The following RNF20 variants were observed in gnomAD, a reference collection of about 807,000 sequenced individuals.
RNF20 encodes the protein ring finger protein 20.
Under a neutral mutation model 126.2 loss-of-function variants are expected in RNF20, and 84 were observed. The ratio of observed to expected loss-of-function variants is 0.67; its 90% confidence interval spans 0.56 to 0.80. RNF20 has a LOEUF of 0.80. Among genes scored for constraint, RNF20 ranks in the 30% least tolerant of loss-of-function variants. RNF20 has a pLI of 0.00. For missense variants in RNF20, 869 were observed against 1,188.2 expected (o/e 0.73, Z 3.95); for synonymous variants, 400 against 414.3 (o/e 0.97, Z 0.42).
At chr9:101,561,887 A>T (rs1827633427) in intron 18 of RNF20, 23 bp from the exon 19 acceptor site, 1 of 1,499,916 alleles carries the variant, frequency 6.7e-7, no homozygotes, top group Non-Finnish European at 9.3e-7. Flanking sequence ...AGTGTGTCTA[A>T]TGGGTATGCT....
chr9:101,543,552 C>A (rs924740116), intron 5 of RNF20, among the ~76,000 whole-genome samples: 2 of 148,550 alleles, frequency 1.3e-5, no homozygotes, highest in Non-Finnish European at 3.0e-5. Flanking sequence ...AACTGTCTAA[C>A]CTGCCAGGGC....
chr9:101,555,195 A>G (rs1328889382), intron 15 of RNF20, among the ~76,000 whole-genome samples: 1 of 151,972 alleles, frequency 6.6e-6, no homozygotes, highest in East Asian at 1.9e-4. Context: ...AAGATTTTAT[A>G]TACATTATGA....
At chr9:101,554,149 A>C (rs776887846) in intron 14 of RNF20, 44 bp downstream of exon 14, 46 of 1,100,702 alleles carry the variant, frequency 4.2e-5, no homozygotes, top group Non-Finnish European at 5.9e-5. Context: ...TAAAATCTTC[A>C]TTTGTGGGAT....
At chr9:101,548,575 C>A (rs1827390347) in intron 9 of RNF20, among the ~76,000 whole-genome samples, 1 of 152,044 alleles carries the variant, frequency 6.6e-6, no homozygotes, top group African/African-American at 2.4e-5. Flanking sequence ...CATTGTATAC[C>A]TTAAATATGT....
intron 2 of RNF20, among the ~76,000 whole-genome samples, chr9:101,539,929 T>C (rs1240062356): frequency 6.6e-6 from 1 of 152,026 alleles, no homozygotes. Flanking sequence ...GATGGTGGCC[T>C]TAAAGCAGCA....
chr9:101,546,709 A>G (rs964140630), intron 6 of RNF20, 111 bp from the exon 7 acceptor site: 3 of 1,034,732 alleles, frequency 2.9e-6, no homozygotes, highest in Non-Finnish European at 4.3e-6. Context: ...GAAGAGGGTG[A>G]AGCATCTTCT....
chr9:101,553,135 CTG>C (rs1237117152), intron 13 of RNF20, among the ~76,000 whole-genome samples: 1 of 152,170 alleles, frequency 6.6e-6, no homozygotes, highest in Non-Finnish European at 1.5e-5. Context: ...TTATATATCA[CTG>C]TAACTTGAAC....
chr9:101,539,156 G>A (rs1827224349), intron 2 of RNF20, among the ~76,000 whole-genome samples: 1 of 152,212 alleles, frequency 6.6e-6, no homozygotes, highest in South Asian at 2.1e-4. Context: ...AGGGGGCAGG[G>A]TTTGGTAGAG....
chr9:101,552,848 C>T (rs755649484), intron 13 of RNF20, 95 bp downstream of exon 13: 4 of 1,217,014 alleles, frequency 3.3e-6, no homozygotes, highest in East Asian at 2.5e-5. Flanking sequence ...CTTGTCTGAT[C>T]GTTTTAATGT....
intron 16 of RNF20, among the ~76,000 whole-genome samples, chr9:101,559,601 G>A (rs181190740): frequency 8.5e-5 from 13 of 152,172 alleles, no homozygotes; most frequent in East Asian, 1.9e-4. Flanking sequence ...TTTTCTTGTC[G>A]AGGTCTTTCA....
At chr9:101,548,519 G>A (rs984184834) in intron 9 of RNF20, among the ~76,000 whole-genome samples, 4 of 152,066 alleles carry the variant, frequency 2.6e-5, no homozygotes, top group Admixed American at 2.6e-4. Flanking sequence ...TTAATTAGGT[G>A]GATTGTGGTA....
chr9:101,561,477 G>A (rs1827627662), intron 18 of RNF20: 3 of 475,972 alleles, frequency 6.3e-6, no homozygotes, highest in Non-Finnish European at 1.1e-5. Flanking sequence ...TGTTAAAGAA[G>A]TAACAGCATA....
At chr9:101,552,802 A>T in intron 13 of RNF20, 49 bp downstream of exon 13, 2 of 1,517,916 alleles carry the variant, frequency 1.3e-6, no homozygotes, top group Non-Finnish European at 1.8e-6. Context: ...GCTAAGATTA[A>T]GACATCATGC....
At chr9:101,537,930 G>GA in intron 2 of RNF20, among the ~76,000 whole-genome samples, 1 of 152,210 alleles carries the variant, frequency 6.6e-6, no homozygotes, top group African/African-American at 2.4e-5. Flanking sequence ...GAGGAATTAG[G>GA]AAAAAGAGAG....
intron 5 of RNF20, among the ~76,000 whole-genome samples, chr9:101,543,188 A>C (rs1223406110): frequency 2.6e-5 from 4 of 152,220 alleles, no homozygotes; most frequent in African/African-American, 9.6e-5. Flanking sequence ...AGAGTAAGGT[A>C]AGGCCTTCTA....
At chr9:101,543,445 G>A (rs115287302) in intron 5 of RNF20, among the ~76,000 whole-genome samples, 2,986 of 137,204 alleles carry the variant, frequency 0.022, 93 homozygotes, top group African/African-American at 0.07. Flanking sequence ...CTGCCAGGGC[G>A]GCACTGTCTA....
At chr9:101,556,562 A>T (rs1172550711) in intron 15 of RNF20, among the ~76,000 whole-genome samples, 1 of 152,174 alleles carries the variant, frequency 6.6e-6, no homozygotes, top group Non-Finnish European at 1.5e-5. Context: ...ATGATATTTT[A>T]AAAAATGCAT....
Position 101,562,468 on chromosome 9 carries a change from C to G in RNF20, c.*46C>G. 6.5e-7 allele frequency: 1 copy of G among 1,542,906 alleles called. No individual in the cohort carries two copies. Among genetic ancestry groups the G allele is most frequent in the Non-Finnish European group, 8.8e-7 (1 of 1,139,022 alleles). ...GGAGCTGGCTAGTCAGGAACTTATT[C>G]ATTAACCACCAAACCTCTACCTCTT... is the stretch of plus-strand genomic sequence containing the variant. On this transcript the variant is annotated 3_prime_UTR_variant, in exon 20 of 20. Transcript: ENST00000389120.
chr9:101,534,904 ACTTT>A (rs1243013170), intron 1 of RNF20, among the ~76,000 whole-genome samples: 2 of 147,260 alleles, frequency 1.4e-5, no homozygotes, highest in Non-Finnish European at 3.0e-5. Flanking sequence ...TTTAGCCTTG[ACTTT>A]CTTTTTTTTT....
Sources: allele counts gnomAD v4.1 joint callset (sites outside exome capture counted in the v4.1 genomes callset), GRCh38; gene constraint gnomAD v4.1.1; transcripts MANE v1.5; gene names NCBI Gene and HGNC (gene_info 2026-07-23, HGNC 2026-07-21).